XKR6: variants seen among roughly 807,000 people sequenced by gnomAD.
XKR6 encodes XK-related protein 6.
Under a neutral mutation model 56.7 loss-of-function variants are expected in XKR6, and 22 were observed. The ratio of observed to expected loss-of-function variants is 0.39; its 90% confidence interval spans 0.28 to 0.55. XKR6 has a LOEUF of 0.55. Ranked by LOEUF, XKR6 falls within the 20% of genes least tolerant of loss-of-function variation. The probability of loss-of-function intolerance (pLI) is 0.66; values close to 1 mark genes in which losing one functional copy is unlikely to be tolerated. For synonymous variants in XKR6, 524 were observed against 387.8 expected, an observed-to-expected ratio of 1.35 and a Z score of -4.13; for missense variants, 852 against 889.0, an observed-to-expected ratio of 0.96 and a Z score of 0.53.
At chr8:11,196,821 C>G (rs1378151260) in intron 1 of XKR6, among the ~76,000 whole-genome samples, 1 of 152,184 alleles carries the variant, frequency 6.6e-6, no homozygotes, top group Non-Finnish European at 1.5e-5. Context: ...TATTCTCAGC[C>G]AGAACTAAGA....
At chr8:11,143,844 A>G (rs1800836770) in intron 1 of XKR6, among the ~76,000 whole-genome samples, 1 of 152,226 alleles carries the variant, frequency 6.6e-6, no homozygotes, top group Non-Finnish European at 1.5e-5. Flanking sequence ...GGTGACTTCA[A>G]CAACAGAAAT....
chr8:11,164,137 T>C (rs1317297690), intron 1 of XKR6, among the ~76,000 whole-genome samples: 1 of 152,226 alleles, frequency 6.6e-6, no homozygotes, highest in Non-Finnish European at 1.5e-5. Context: ...GGTCTGCCTA[T>C]TCACTGCCAG....
At chr8:11,032,050 C>T (rs564823181) in intron 1 of XKR6, among the ~76,000 whole-genome samples, 1 of 152,286 alleles carries the variant, frequency 6.6e-6, no homozygotes. Context: ...AGACAGGGCT[C>T]CCCCGTGGGG....
At chr8:11,017,163 GAGAT>G (rs1272108184) in intron 1 of XKR6, among the ~76,000 whole-genome samples, 6 of 152,236 alleles carry the variant, frequency 3.9e-5, no homozygotes, top group African/African-American at 7.2e-5. Flanking sequence ...ATAGATGACA[GAGAT>G]AGATAGAGAT....
chr8:11,050,215 G>A lies in XKR6; in HGVS notation c.765-125385C>T, dbSNP rs370484260. On this transcript the variant is annotated intron_variant, in intron 1 of 2. Coordinates refer to ENST00000416569, the MANE Select transcript of XKR6 (RefSeq NM_173683.4). The stretch of plus-strand genomic sequence containing the variant: ...CTGAGTAACAGAGACAAGCGTGCCA[G>A]ATACAGGGAGGGGCAATGTAACTGC... Among the ~76,000 whole-genome samples, 59 of 152,374 alleles carry A rather than the reference G, an allele frequency of 3.9e-4. No homozygotes were observed. The East Asian group carries it at 7.5e-3, about 19-fold the overall frequency.
chr8:11,013,393 G>C (rs958048744), intron 1 of XKR6, among the ~76,000 whole-genome samples: 3 of 152,142 alleles, frequency 2.0e-5, no homozygotes, highest in Non-Finnish European at 4.4e-5. Context: ...GAACCCTGAG[G>C]GCCACAGAGG....
intron 1 of XKR6, among the ~76,000 whole-genome samples, chr8:10,981,813 G>A (rs1013695224): frequency 6.6e-6 from 1 of 152,194 alleles, no homozygotes; most frequent in African/African-American, 2.4e-5. Flanking sequence ...TCCAGTGGAG[G>A]TGCCACCATT....
chr8:11,140,881 G>A (rs1044053683), intron 1 of XKR6, among the ~76,000 whole-genome samples: 7 of 133,634 alleles, frequency 5.2e-5, no homozygotes, highest in African/African-American at 1.8e-4. Context: ...CTGGGCGACA[G>A]AGCGAGACTC....
chr8:11,106,860 A>AAT (rs1554459715), intron 1 of XKR6, among the ~76,000 whole-genome samples: 3 of 149,312 alleles, frequency 2.0e-5, no homozygotes, highest in Admixed American at 6.6e-5. Flanking sequence ...CAAAAAAAAA[A>AAT]AAAAATAAAA....
chr8:11,191,393 T>C (rs1014309714), intron 1 of XKR6, among the ~76,000 whole-genome samples: 1 of 152,152 alleles, frequency 6.6e-6, no homozygotes, highest in Non-Finnish European at 1.5e-5. Context: ...TACCTACCGA[T>C]TGCCAAGGGA....
intron 1 of XKR6, among the ~76,000 whole-genome samples, chr8:11,147,335 G>C (rs1348285042): frequency 6.6e-6 from 1 of 152,130 alleles, no homozygotes; most frequent in Non-Finnish European, 1.5e-5. Context: ...CTCAAAACAT[G>C]TGCATGAAAT....
chr8:11,062,356 A>G (rs1799856788), intron 1 of XKR6, among the ~76,000 whole-genome samples: 1 of 152,194 alleles, frequency 6.6e-6, no homozygotes, highest in Admixed American at 6.5e-5. Context: ...GAATATTTAT[A>G]AATGGAATCA....
At chr8:11,029,436 G>T (rs755163393) in intron 1 of XKR6, among the ~76,000 whole-genome samples, 1 of 152,120 alleles carries the variant, frequency 6.6e-6, no homozygotes, top group Non-Finnish European at 1.5e-5. Flanking sequence ...GTTTAGATGA[G>T]GTCATGAGGA....
intron 1 of XKR6, among the ~76,000 whole-genome samples, chr8:11,162,760 G>A (rs1167074010): frequency 6.6e-6 from 1 of 152,236 alleles, no homozygotes; most frequent in African/African-American, 2.4e-5. Flanking sequence ...AAGACGGTCT[G>A]TCAGGCTGAC....
chr8:11,064,274 G>A (rs574266753), intron 1 of XKR6, among the ~76,000 whole-genome samples: 1 of 152,254 alleles, frequency 6.6e-6, no homozygotes, highest in South Asian at 2.1e-4. Context: ...GGAAAGAGAG[G>A]CTAAAGCTTT....
chr8:11,200,721 T>C lies in XKR6; in HGVS notation c.619A>G (p.Met207Val), dbSNP rs759138465. 3.8e-6 allele frequency: 6 copies of C among 1,589,858 alleles called. No individual in the cohort carries two copies. The highest frequency in any genetic ancestry group is 3.3e-4 in the Middle Eastern group (2 of 6,010). Reference protein sequence around the residue: ...EGLTSRGPPMMGAGYVHGAAR... With the variant: ...EGLTSRGPPMVGAGYVHGAAR... Reference sequence around the variant, plus strand: ...GCGCCGTGGACGTAGCCGGCCCCCATCATGGGGGGGCCCCGGCTGGTGAGC... The same window carrying C: ...GCGCCGTGGACGTAGCCGGCCCCCACCATGGGGGGGCCCCGGCTGGTGAGC... The change falls in exon 1 of 3, where the codon ATG (methionine) becomes GTG (valine). Residue 207 changes from methionine to valine, a missense_variant. By Grantham distance (21) the Met-to-Val change is conservative. Around this residue, in one of 4 missense-constraint regions of XKR6, gnomAD observed 417 missense variants for 355.2 expected, o/e 1.17. Transcript: ENST00000416569. This position sits in a 1 kb window ranked among gnomAD's most constrained non-coding sequence, Gnocchi z 6.4.
chr8:11,172,090 G>A (rs758037894), intron 1 of XKR6, among the ~76,000 whole-genome samples: 10 of 152,054 alleles, frequency 6.6e-5, no homozygotes, highest in African/African-American at 9.6e-5. Context: ...CCAGTCTCAG[G>A]CCAGATACAG....
chr8:10,933,804 T>C lies in XKR6; in HGVS notation c.765-8974A>G, dbSNP rs1223196897. 5.5e-5 allele frequency among the ~76,000 whole-genome samples: 8 copies of C among 145,998 alleles called. No homozygotes were observed. In the East Asian group the frequency reaches 9.9e-4, roughly 18 times the overall value. ...CATGCTGTTTTGGTGACTGTAGCCT[T>C]GTAGTATAGTTTGAAGTCAGGTAGT... On this transcript the variant is annotated intron_variant, in intron 1 of 2. Coordinates refer to ENST00000416569, the MANE Select transcript of XKR6 (RefSeq NM_173683.4).
intron 1 of XKR6, among the ~76,000 whole-genome samples, chr8:11,154,817 C>G (rs1427743885): frequency 6.6e-6 from 1 of 152,172 alleles, no homozygotes; most frequent in Non-Finnish European, 1.5e-5. Context: ...AGTACCTTGT[C>G]TTCTGTCCTC....
Sources: allele counts gnomAD v4.1 joint callset (sites outside exome capture counted in the v4.1 genomes callset), GRCh38; gene constraint gnomAD v4.1.1; regional missense constraint gnomAD v4.1.1; non-coding constraint Gnocchi (gnomAD v3.1); transcripts MANE v1.5; gene names NCBI Gene and HGNC (gene_info 2026-07-23, HGNC 2026-07-21).